The following CARMIL1 variants were observed in gnomAD, a reference collection of about 807,000 sequenced individuals.
CARMIL1 encodes the protein capping protein regulator and myosin 1 linker 1, also known as F-actin-uncapping protein LRRC16A.
A neutral mutation model predicts 177.1 loss-of-function variants in CARMIL1; 90 were observed. The ratio of observed to expected loss-of-function variants is 0.51; its 90% CI spans 0.43 to 0.61. The LOEUF (loss-of-function observed/expected upper bound fraction) is 0.61, where lower values mean the gene tolerates loss of function less well. Among genes scored for constraint, CARMIL1 ranks in the 20% least tolerant of loss-of-function variants. The probability of loss-of-function intolerance (pLI) is 0.00; values close to 1 mark genes in which losing one functional copy is unlikely to be tolerated. For synonymous variants in CARMIL1, 577 were observed against 606.2 expected (o/e 0.95, Z 0.71); for missense variants, 1,380 against 1,667.0 (o/e 0.83, Z 3.00).
Position 25,281,122 on chromosome 6 carries a change from GCGTGTGCGCGCGCGCACACACACA to G in CARMIL1, c.40+1289_40+1312del, listed in dbSNP as rs1455525762. 1.3e-4 allele frequency among the ~76,000 whole-genome samples: 8 copies of G among 61,620 alleles called. No individual in the cohort carries two copies. In the East Asian group the frequency reaches 7.7e-3, roughly 59 times the overall value. 40.4% of individuals were successfully genotyped at this position (61,620 alleles called of 152,430 possible). A position where few individuals can be genotyped will look rare whatever the true frequency, so the allele number is the denominator to read the frequency against. ...TATGAAATTATTCACAGACGCACGC[GCGTGTGCGCGCGCGCACACACACA>G]CACACACACACACACACACACACGC... On this transcript the variant is annotated intron_variant, in intron 1 of 36. Coordinates refer to ENST00000329474, the MANE Select transcript of CARMIL1 (RefSeq NM_017640.6).
chr6:25,388,746 T>C (rs1316367791), intron 2 of CARMIL1, among the ~76,000 whole-genome samples: 1 of 152,116 alleles, frequency 6.6e-6, no homozygotes, highest in Non-Finnish European at 1.5e-5. Context: ...CATAGCTCAC[T>C]GCAGCCTGCA....
chr6:25,606,959 A>G (rs951483783), intron 35 of CARMIL1, among the ~76,000 whole-genome samples: 6 of 152,098 alleles, frequency 3.9e-5, no homozygotes, highest in Non-Finnish European at 8.8e-5. Context: ...AAAATATTAG[A>G]AATGGATTGG....
chr6:25,454,386 T>G (rs539111450), intron 8 of CARMIL1, among the ~76,000 whole-genome samples: 14 of 152,220 alleles, frequency 9.2e-5, no homozygotes, highest in Non-Finnish European at 1.9e-4. Context: ...TATTGCTATG[T>G]TCTGATAAAA....
intron 1 of CARMIL1, 106 bp downstream of exon 1, chr6:25,279,941 C>G (rs529520847): frequency 7.5e-7 from 1 of 1,330,556 alleles, no homozygotes; most frequent in South Asian, 1.2e-5. Flanking sequence ...GTCTTGGCGC[C>G]CCTTAGGGCA....
In CARMIL1 at chr6:25,619,289, G is replaced by C. The variant is rs115371763; in HGVS notation, c.3980-158G>C. 0.014 allele frequency among the ~76,000 whole-genome samples: 2,059 copies of C among 152,192 alleles called. 25 individuals carry two copies. Among genetic ancestry groups the C allele is most frequent in the African/African-American group, 0.037 (1,531 of 41,508 alleles). On this transcript the variant is annotated intron_variant, in intron 36 of 36. Transcript: ENST00000329474. The stretch of plus-strand genomic sequence containing the variant: ...TTGGTTTGTTTTACATTTCTGTCTA[G>C]AGTCTCTAAACATAATAGCAAGTTT...
intron 26 of CARMIL1, among the ~76,000 whole-genome samples, chr6:25,545,079 C>G (rs1809322746): frequency 6.6e-6 from 1 of 152,136 alleles, no homozygotes; most frequent in African/African-American, 2.4e-5. Flanking sequence ...CCTATCATCT[C>G]AAAGTTCTAT....
At chr6:25,323,988 A>T (rs1244695736) in intron 2 of CARMIL1, among the ~76,000 whole-genome samples, 1 of 152,244 alleles carries the variant, frequency 6.6e-6, no homozygotes, top group Non-Finnish European at 1.5e-5. Context: ...GGCAGAAGGC[A>T]AAAAGGCACA....
At chr6:25,349,970 G>T (rs1374164876) in intron 2 of CARMIL1, among the ~76,000 whole-genome samples, 1 of 151,864 alleles carries the variant, frequency 6.6e-6, no homozygotes, top group African/African-American at 2.4e-5. Context: ...CTCGTGATCC[G>T]CCCGCCTTAG....
rs544788869 is a variant in CARMIL1, at chr6:25,284,707, TCAAAAGACAA to T, written c.41-101_41-92del. 3.1e-4 allele frequency: 206 copies of T among 665,570 alleles called. 5 individuals carry two copies. The South Asian group carries it at 3.6e-3, about 12-fold the overall frequency. The allele number at this position is 665,570 out of a possible 1,614,324, so 41.2% of individuals were successfully genotyped here. A position where few individuals can be genotyped will look rare whatever the true frequency, so the allele number is the denominator to read the frequency against. Reference sequence around the variant, plus strand: ...CTGGGTGACAGAGTAAGACTCTGTCTCAAAAGACAACAACAGTAAAAACAACCAAATATAC... The same window carrying T: ...CTGGGTGACAGAGTAAGACTCTGTCTCAACAGTAAAAACAACCAAATATAC... On this transcript the variant is annotated intron_variant, in intron 1 of 36. Coordinates refer to ENST00000329474, the MANE Select transcript of CARMIL1 (RefSeq NM_017640.6).
intron 5 of CARMIL1, among the ~76,000 whole-genome samples, chr6:25,441,357 G>GTGTCTA (rs1797765636): frequency 6.9e-6 from 1 of 143,906 alleles, no homozygotes; most frequent in Non-Finnish European, 1.5e-5. Flanking sequence ...GTGTGTGTGT[G>GTGTCTA]TGTGTGTGTG....
chr6:25,586,724 G>A (rs1293668168), intron 31 of CARMIL1, among the ~76,000 whole-genome samples: 5 of 152,044 alleles, frequency 3.3e-5, no homozygotes, highest in South Asian at 2.1e-4. Flanking sequence ...AGGCCGAGGC[G>A]GGCAGATCAC....
chr6:25,381,581 A>G (rs905102173), intron 2 of CARMIL1, among the ~76,000 whole-genome samples: 1 of 152,208 alleles, frequency 6.6e-6, no homozygotes, highest in African/African-American at 2.4e-5. Context: ...ATAAAGGCTC[A>G]CAGAACTCAC....
At chr6:25,564,578 G>T (rs900010380) in intron 29 of CARMIL1, among the ~76,000 whole-genome samples, 2 of 152,196 alleles carry the variant, frequency 1.3e-5, no homozygotes, top group African/African-American at 2.4e-5. Flanking sequence ...AAGAGTAGTG[G>T]ACGTTCTGAG....
chr6:25,550,014 T>C (rs901482652), intron 26 of CARMIL1, among the ~76,000 whole-genome samples: 26 of 152,180 alleles, frequency 1.7e-4, no homozygotes, highest in African/African-American at 6.3e-4. Flanking sequence ...GAAAGTCAAA[T>C]GGAGAGATCA....
chr6:25,618,578 T>C (rs1759480368), intron 36 of CARMIL1, among the ~76,000 whole-genome samples: 1 of 152,224 alleles, frequency 6.6e-6, no homozygotes. Context: ...ACATAGGCTT[T>C]GGAGAGACAG....
chr6:25,349,949 G>A (rs1393839474), intron 2 of CARMIL1, among the ~76,000 whole-genome samples: 2 of 151,928 alleles, frequency 1.3e-5, no homozygotes, highest in Non-Finnish European at 2.9e-5. Flanking sequence ...AGATGGTCTC[G>A]ATCTCCTGAC....
At chr6:25,601,823 T>A (rs1815434805) in intron 33 of CARMIL1, among the ~76,000 whole-genome samples, 1 of 152,234 alleles carries the variant, frequency 6.6e-6, no homozygotes, top group Non-Finnish European at 1.5e-5. Context: ...TGTTTTCTCT[T>A]GTCACTCACT....
chr6:25,531,837 C>G (rs896477536), intron 24 of CARMIL1, among the ~76,000 whole-genome samples: 3 of 152,154 alleles, frequency 2.0e-5, no homozygotes, highest in African/African-American at 7.2e-5. Context: ...GTGGCGCAAT[C>G]TCGGCTTACT....
At chr6:25,416,090 C>T (rs9467505) in intron 2 of CARMIL1, among the ~76,000 whole-genome samples, 129,611 of 152,028 alleles carry the variant, frequency 0.85, 55,500 homozygotes, top group East Asian at 0.97. Flanking sequence ...TTCAGAGACA[C>T]AGAGACTAAC....
Sources: allele counts gnomAD v4.1 joint callset (sites outside exome capture counted in the v4.1 genomes callset), GRCh38; gene constraint gnomAD v4.1.1; transcripts MANE v1.5; gene names NCBI Gene and HGNC (gene_info 2026-07-23, HGNC 2026-07-21).